SUFU: variants seen among roughly 807,000 people sequenced by gnomAD.
SUFU encodes the protein suppressor of fused homolog.
A neutral mutation model predicts 58.9 loss-of-function variants in SUFU; 7 were observed. The ratio of observed to expected loss-of-function variants is 0.12; its 90% CI spans 0.07 to 0.22. The LOEUF is 0.22. SUFU is among the 10% of genes least tolerant of loss of function. SUFU has a pLI of 1.00. For synonymous variants in SUFU, 232 were observed against 254.8 expected (o/e 0.91, Z 0.85); for missense variants, 451 against 641.3 (o/e 0.70, Z 3.20).
At chr10:102,537,667 G>A (rs1275047017) in intron 2 of SUFU, among the ~76,000 whole-genome samples, 1 of 152,064 alleles carries the variant, frequency 6.6e-6, no homozygotes, top group African/African-American at 2.4e-5. Context: ...TTGTCCCTTT[G>A]TGCCTGGCTT....
At chr10:102,590,382 G>A (rs1431519587) in intron 3 of SUFU, among the ~76,000 whole-genome samples, 1 of 151,832 alleles carries the variant, frequency 6.6e-6, no homozygotes, top group African/African-American at 2.4e-5. Context: ...GGCCAGGCTA[G>A]TCTTGAACTC....
intron 3 of SUFU, among the ~76,000 whole-genome samples, chr10:102,581,636 G>C (rs1268883388): frequency 6.6e-6 from 1 of 152,196 alleles, no homozygotes; most frequent in African/African-American, 2.4e-5. Context: ...GCAGTTGCCA[G>C]TCTCCCCACA....
Position 102,615,287 on chromosome 10 carries a change from G to A in SUFU, c.1042G>A (p.Glu348Lys), listed in dbSNP as rs1447671524. ...DRAPSRKDSLESDSSTAIIPH... is the reference protein window; with the variant it reads ...DRAPSRKDSLKSDSSTAIIPH... Reference sequence around the variant, plus strand: ...TCACAGGAGCCGCAAAGACAGCCTGGAAAGTGACAGCTCCACGGCCATCAT... The same window carrying A: ...TCACAGGAGCCGCAAAGACAGCCTGAAAAGTGACAGCTCCACGGCCATCAT... The change falls in exon 9 of 12, where the codon GAA (glutamate) becomes AAA (lysine). Residue 348 changes from glutamate to lysine, a missense_variant. Glu to Lys is a moderately conservative substitution (Grantham distance 56). Transcript: ENST00000369902. 5 of 1,614,164 alleles carry A rather than the reference G, an allele frequency of 3.1e-6. No homozygotes were observed. The highest frequency in any genetic ancestry group is 4.2e-6 in the Non-Finnish European group (5 of 1,180,024).
At chr10:102,612,085 T>G (rs2063630552) in intron 8 of SUFU, among the ~76,000 whole-genome samples, 2 of 152,188 alleles carry the variant, frequency 1.3e-5, no homozygotes, top group Non-Finnish European at 1.5e-5. Flanking sequence ...CGGCTGCAGA[T>G]TTAATACCTC....
chr10:102,627,322 T>C, intron 11 of SUFU, 79 bp downstream of exon 11: 4 of 1,287,748 alleles, frequency 3.1e-6, no homozygotes, highest in Non-Finnish European at 4.5e-6. Flanking sequence ...CGTCTGTGCA[T>C]GCATGTGTGC....
At chr10:102,588,315 C>G (rs2063357100) in intron 3 of SUFU, among the ~76,000 whole-genome samples, 1 of 151,564 alleles carries the variant, frequency 6.6e-6, no homozygotes, top group South Asian at 2.1e-4. Flanking sequence ...ACGGCGTGAA[C>G]CTGGGAGGTG....
At position 102,631,578 on chromosome 10, in the gene SUFU, T is replaced by C. The variant is rs1319137320; in HGVS notation, c.*1423T>C. ...CCTCTTCAAAGCAAAGTCATGACAA[T>C]GCAGGGCTCCTCATTGCTCCCATCT... On this transcript the variant is annotated 3_prime_UTR_variant, in exon 12 of 12. Coordinates refer to ENST00000369902, the MANE Select transcript of SUFU (RefSeq NM_016169.4). 1 of 233,460 alleles carries C rather than the reference T, an allele frequency of 4.3e-6. No homozygotes were observed. The highest frequency in any genetic ancestry group is 8.5e-6 in the Non-Finnish European group (1 of 118,276). 14.5% of individuals were successfully genotyped at this position (233,460 alleles called of 1,614,324 possible).
chr10:102,632,170 A>G lies in SUFU; in HGVS notation c.*2015A>G, dbSNP rs929351812. On this transcript the variant is annotated 3_prime_UTR_variant, in exon 12 of 12. Transcript: ENST00000369902. ...TGCCTCCATCGTTGGTTGGGTGGGG[A>G]TGGGGCATTTTCTGAGCTAAGCTTT... 3 of 233,134 alleles carry G rather than the reference A, an allele frequency of 1.3e-5. No homozygotes were observed. The highest frequency in any genetic ancestry group is 6.6e-5 in the African/African-American group (3 of 45,298). The allele number at this position is 233,134 out of a possible 1,614,324, so 14.4% of individuals were successfully genotyped here. A position where few individuals can be genotyped will look rare whatever the true frequency, so the allele number is the denominator to read the frequency against.
intron 3 of SUFU, among the ~76,000 whole-genome samples, chr10:102,570,492 C>T (rs931055385): frequency 1.4e-4 from 21 of 152,062 alleles, no homozygotes; most frequent in Non-Finnish European, 2.6e-4. Context: ...CCGCCTGCCT[C>T]GGTCTCCCAA....
intron 8 of SUFU, among the ~76,000 whole-genome samples, chr10:102,613,988 A>G: frequency 6.6e-6 from 1 of 152,214 alleles, no homozygotes; most frequent in Non-Finnish European, 1.5e-5. Context: ...AGCCAAGCCC[A>G]CTGGTCTGAC....
intron 3 of SUFU, among the ~76,000 whole-genome samples, chr10:102,562,857 C>T (rs2063052698): frequency 6.6e-6 from 1 of 152,132 alleles, no homozygotes; most frequent in Admixed American, 6.5e-5. Context: ...TGCCATTGCA[C>T]TCTAGCCTGG....
intron 2 of SUFU, among the ~76,000 whole-genome samples, chr10:102,514,761 A>G (rs2062445938): frequency 6.6e-6 from 1 of 152,192 alleles, no homozygotes; most frequent in Admixed American, 6.5e-5. Flanking sequence ...TGGTTTCAGC[A>G]TCACTCTGTG....
At chr10:102,512,928 A>C (rs2062418676) in intron 2 of SUFU, among the ~76,000 whole-genome samples, 2 of 151,892 alleles carry the variant, frequency 1.3e-5, no homozygotes, top group African/African-American at 4.8e-5. Flanking sequence ...AATTAGCCAG[A>C]CATGGTGGTG....
chr10:102,626,342 C>T (rs1388096668), intron 10 of SUFU, among the ~76,000 whole-genome samples: 2 of 152,108 alleles, frequency 1.3e-5, no homozygotes, highest in Non-Finnish European at 2.9e-5. Flanking sequence ...AGCCCTTGGA[C>T]GTTGGTATTG....
intron 3 of SUFU, 34 bp from the exon 4 acceptor site, chr10:102,592,548 T>G (rs762821861): frequency 1.2e-6 from 2 of 1,613,210 alleles, no homozygotes; most frequent in South Asian, 2.2e-5. Context: ...ATCTGGGGCC[T>G]TGAACAATGA....
chr10:102,537,900 C>A (rs2062758969), intron 2 of SUFU, among the ~76,000 whole-genome samples: 1 of 152,112 alleles, frequency 6.6e-6, no homozygotes, highest in African/African-American at 2.4e-5. Flanking sequence ...GCTTTCAGTT[C>A]TTTTGGATAT....
intron 2 of SUFU, among the ~76,000 whole-genome samples, chr10:102,510,654 T>G (rs888369503): frequency 5.9e-5 from 9 of 151,716 alleles, no homozygotes; most frequent in African/African-American, 2.2e-4. Context: ...AAACCTTGTC[T>G]CTACTAAAAA....
In SUFU at chr10:102,630,380, C is replaced by T; in HGVS notation, c.*225C>T. 3 of 585,024 alleles carry T rather than the reference C, an allele frequency of 5.1e-6. No individual in the cohort carries two copies. The highest frequency in any genetic ancestry group is 2.8e-5 in the Admixed American group (1 of 35,274). 36.2% of individuals were successfully genotyped at this position (585,024 alleles called of 1,614,324 possible). On this transcript the variant is annotated 3_prime_UTR_variant, in exon 12 of 12. Transcript: ENST00000369902. ...CCGCCGCTGGCTAAGCCTTGTGACC[C>T]ATCAGGCCAGTGAGTGGGCAAATGC...
intron 3 of SUFU, among the ~76,000 whole-genome samples, chr10:102,568,552 T>A (rs1192852840): frequency 6.6e-6 from 1 of 152,124 alleles, no homozygotes; most frequent in Non-Finnish European, 1.5e-5. Context: ...TCACACAGCA[T>A]CATGTCATGG....
Sources: allele counts gnomAD v4.1 joint callset (sites outside exome capture counted in the v4.1 genomes callset), GRCh38; gene constraint gnomAD v4.1.1; transcripts MANE v1.5; gene names NCBI Gene and HGNC (gene_info 2026-07-23, HGNC 2026-07-21).